The following UBQLN4 variants were observed in gnomAD, a reference collection of about 807,000 sequenced individuals.
UBQLN4 encodes ubiquilin 4, also known as ubiquilin-4.
A neutral mutation model predicts 60.4 loss-of-function variants in UBQLN4; 11 were observed. That is an observed-to-expected ratio of 0.18 (90% confidence interval 0.11 to 0.30). The LOEUF is 0.30. UBQLN4 is among the 10% of genes least tolerant of loss of function. The pLI is 1.00. For missense variants in UBQLN4, 417 were observed against 795.5 expected, an observed-to-expected ratio of 0.52 and a Z score of 5.72; for synonymous variants, 258 against 313.1, an observed-to-expected ratio of 0.82 and a Z score of 1.86.
downstream of UBQLN4, among the ~76,000 whole-genome samples, chr1:156,032,770 T>C (rs1201230121): frequency 6.6e-6 from 1 of 152,164 alleles, no homozygotes; most frequent in African/African-American, 2.4e-5. Flanking sequence ...GTCCCATATG[T>C]AACAGGATGG....
At position 156,050,667 on chromosome 1, in the gene UBQLN4, T is replaced by G; in HGVS notation, c.479-114A>C. The G allele has an allele frequency of 1.4e-6, 2 of 1,407,584 alleles. No homozygotes were observed. Among genetic ancestry groups the G allele is most frequent in the Non-Finnish European group, 1.9e-6 (2 of 1,062,634 alleles). The allele number at this position is 1,407,584 out of a possible 1,614,324, so 87.2% of individuals were successfully genotyped here. A position where few individuals can be genotyped will look rare whatever the true frequency, so the allele number is the denominator to read the frequency against. The stretch of plus-strand genomic sequence containing the variant: ...CCCAAATGCTTCTCACATGTCCCTC[T>G]TCCTGTCATTCCCACAGCCCGGCCC... On this transcript the variant is annotated intron_variant, in intron 3 of 10. Coordinates refer to ENST00000368309, the MANE Select transcript of UBQLN4 (RefSeq NM_020131.5). This position sits in a 1 kb window ranked among gnomAD's most constrained non-coding sequence, Gnocchi z 4.6.
At chr1:156,038,082 A>C (rs954370049) in intron 10 of UBQLN4, among the ~76,000 whole-genome samples, 1 of 152,158 alleles carries the variant, frequency 6.6e-6, no homozygotes, top group Non-Finnish European at 1.5e-5. Flanking sequence ...AATTAAAAAA[A>C]AATTTTTTTT....
At chr1:156,043,068 A>C (rs780836066) in intron 6 of UBQLN4, among the ~76,000 whole-genome samples, 155 bp from the exon 7 acceptor site, 1 of 152,194 alleles carries the variant, frequency 6.6e-6, no homozygotes, top group Non-Finnish European at 1.5e-5. Flanking sequence ...GCATGAGTCC[A>C]AGTCTCTCCC....
downstream of UBQLN4, among the ~76,000 whole-genome samples, chr1:156,034,823 T>A (rs1261660958): frequency 2.0e-4 from 7 of 35,890 alleles, no homozygotes; most frequent in African/African-American, 5.1e-4. Flanking sequence ...TCCCTTAACC[T>A]TCTATATATA....
rs1032441696 is a variant in UBQLN4 at position 156,053,745 on chromosome 1, C to T, written c.-44G>A. ...CCGCCCGCCAGCCCGCCCGGCTCCT[C>T]CTCCTCCCCGCCCGCCCGGCCGGCC... is the stretch of plus-strand genomic sequence containing the variant. On this transcript the variant is annotated 5_prime_UTR_variant, in exon 1 of 11. Transcript: ENST00000368309. 3.9e-5 allele frequency: 46 copies of T among 1,192,982 alleles called. No homozygotes were observed. The highest frequency in any genetic ancestry group is 4.6e-5 in the Non-Finnish European group (43 of 943,244). The allele number at this position is 1,192,982 out of a possible 1,614,324, so 73.9% of individuals were successfully genotyped here.
chr1:156,045,212 G>C (rs186227242), intron 5 of UBQLN4, among the ~76,000 whole-genome samples: 225 of 152,242 alleles, frequency 1.5e-3, no homozygotes, highest in African/African-American at 5.0e-3. Flanking sequence ...CCTGTTCATT[G>C]AAAGTGGGTC....
Position 156,048,376 on chromosome 1 carries a change from A to G in UBQLN4, c.900+125T>C. Reference sequence around the variant, plus strand: ...ATATGTACTGTTGAGAACTGCCTTCAAGCCAAGGCCCACCCCTCAGGGGAC... The same window carrying G: ...ATATGTACTGTTGAGAACTGCCTTCGAGCCAAGGCCCACCCCTCAGGGGAC... On this transcript the variant is annotated intron_variant, in intron 5 of 10. Transcript: ENST00000368309. The surrounding 1 kb of genome is among the most constrained non-coding windows in gnomAD (Gnocchi z 4.9). 1 of 1,201,934 alleles carries G rather than the reference A, an allele frequency of 8.3e-7. No individual in the cohort carries two copies. The highest frequency in any genetic ancestry group is 2.8e-5 in the Admixed American group (1 of 36,182). 74.5% of individuals were successfully genotyped at this position (1,201,934 alleles called of 1,614,324 possible).
intron 8 of UBQLN4, 56 bp downstream of exon 8, chr1:156,042,097 G>A: frequency 6.2e-7 from 1 of 1,609,292 alleles, no homozygotes; most frequent in African/African-American, 1.3e-5. Context: ...CCACCCATTG[G>A]GCTTCAGGGA....
Position 156,050,961 on chromosome 1 carries a change from C to A in UBQLN4, c.478+149G>T. Reference sequence around the variant, plus strand: ...CTCCTCAGACTAGTTTCTTCCCCAGCTTGACTCAAGTATCAATGTCTGGAA... The same window carrying A: ...CTCCTCAGACTAGTTTCTTCCCCAGATTGACTCAAGTATCAATGTCTGGAA... On this transcript the variant is annotated intron_variant, in intron 3 of 10. Coordinates refer to ENST00000368309, the MANE Select transcript of UBQLN4 (RefSeq NM_020131.5). This position sits in a 1 kb window ranked among gnomAD's most constrained non-coding sequence, Gnocchi z 4.6. 1 of 785,470 alleles carries A rather than the reference C, an allele frequency of 1.3e-6. No individual in the cohort carries two copies. Among genetic ancestry groups the A allele is most frequent in the South Asian group, 1.7e-5 (1 of 57,402 alleles). The allele number at this position is 785,470 out of a possible 1,614,324, so 48.7% of individuals were successfully genotyped here. A position where few individuals can be genotyped will look rare whatever the true frequency, so the allele number is the denominator to read the frequency against.
chr1:156,042,236 T>A lies in UBQLN4; in HGVS notation c.1267A>T (p.Met423Leu). ...LAQNPDFAAQ[M>L]MVNVPLFAGN... is the part of the protein sequence containing the mutation. ...GCGAAGAGCGGCACATTCACCATCATCTGCCAGGGTGAAGGTAGCAGGGGG... is the reference window on the plus strand; with the variant it reads ...GCGAAGAGCGGCACATTCACCATCAACTGCCAGGGTGAAGGTAGCAGGGGG... The change falls in exon 8 of 11, where the codon ATG becomes TTG. Residue 423 changes from methionine (M) to leucine (L), a missense_variant and splice_region_variant. Coordinates refer to ENST00000368309, the MANE Select transcript of UBQLN4 (RefSeq NM_020131.5). 6.3e-7 allele frequency: 1 copy of A among 1,593,970 alleles called. No homozygotes were observed. The highest frequency in any genetic ancestry group is 8.5e-7 in the Non-Finnish European group (1 of 1,171,560).
chr1:156,047,569 C>G (rs541515736), intron 5 of UBQLN4, among the ~76,000 whole-genome samples: 180 of 151,318 alleles, frequency 1.2e-3, no homozygotes, highest in African/African-American at 4.0e-3. Context: ...AACATACAAA[C>G]ATAGAATGTG....
At position 156,051,302 on chromosome 1, in the gene UBQLN4, C is replaced by T. The variant is rs868021254; in HGVS notation, c.286G>A (p.Ala96Thr). The T allele has an allele frequency of 4.5e-6, 7 of 1,556,770 alleles. No homozygotes were observed. The highest frequency in any genetic ancestry group is 5.2e-6 in the Non-Finnish European group (6 of 1,149,550). The change falls in exon 3 of 11, where the codon GCT (alanine) becomes ACT (threonine). Residue 96 changes from alanine (A) to threonine (T), a missense_variant. By Grantham distance (58) the Ala-to-Thr change is moderately conservative (BLOSUM62 0). Transcript: ENST00000368309. The part of the protein sequence containing the change: ...QKAQDPAAAT[A>T]SSPSTPDPAS... ...GGGTCAGGTGTGGAGGGGGAAGAAG[C>T]AGTGGCAGCAGCTGGATCTTGAGCC...
At chr1:156,042,495 C>G in intron 7 of UBQLN4, 3 of 1,310,718 alleles carry the variant, frequency 2.3e-6, no homozygotes, top group Non-Finnish European at 3.0e-6. Context: ...TCCAGGTATA[C>G]AGAACTTACT....
intron 10 of UBQLN4, among the ~76,000 whole-genome samples, chr1:156,038,695 T>A (rs1683468257): frequency 1.3e-5 from 2 of 152,048 alleles, no homozygotes; most frequent in Admixed American, 6.6e-5. Flanking sequence ...AGAAAAAAAT[T>A]TTTTTAGCAG....
At chr1:156,033,217 C>A (rs1323244278), downstream of UBQLN4, 1 of 985,330 alleles carries the variant, frequency 1.0e-6, no homozygotes, top group Non-Finnish European at 1.2e-6. Context: ...GAGACTGACT[C>A]AGCTGTGAGC....
In UBQLN4 at chr1:156,050,979, G is replaced by T; in HGVS notation, c.478+131C>A. The stretch of plus-strand genomic sequence containing the variant: ...TCCCCAGCTTGACTCAAGTATCAAT[G>T]TCTGGAACTCTGTCATGGGGTCCCC... On this transcript the variant is annotated intron_variant, in intron 3 of 10. Coordinates refer to ENST00000368309, the MANE Select transcript of UBQLN4 (RefSeq NM_020131.5). The surrounding 1 kb of genome is among the most constrained non-coding windows in gnomAD (Gnocchi z 4.6). The T allele has an allele frequency of 2.3e-6, 2 of 858,628 alleles. No homozygotes were observed. Among genetic ancestry groups the T allele is most frequent in the South Asian group, 1.7e-5 (1 of 60,156 alleles). 53.2% of individuals were successfully genotyped at this position (858,628 alleles called of 1,614,324 possible).
intron 9 of UBQLN4, 35 bp downstream of exon 9, chr1:156,041,837 A>T: frequency 6.4e-7 from 1 of 1,573,882 alleles, no homozygotes; most frequent in South Asian, 1.2e-5. Context: ...AGAAGTTGCT[A>T]GAACCTTGCT....
downstream of UBQLN4, among the ~76,000 whole-genome samples, chr1:156,034,837 A>C (rs1310042355): frequency 7.4e-5 from 3 of 40,356 alleles, 1 homozygote; most frequent in African/African-American, 2.5e-4. Context: ...ATATATATAT[A>C]TATATATATA....
chr1:156,042,913 C>G lies in UBQLN4; in HGVS notation c.1127G>C (p.Gly376Ala). 1 of 1,613,760 alleles carries G rather than the reference C, an allele frequency of 6.2e-7. No homozygotes were observed. Among genetic ancestry groups the G allele is most frequent in the Non-Finnish European group, 8.5e-7 (1 of 1,179,878 alleles). ...FGINAASLGS[G>A]MFNSPEMQAL... Reference sequence around the variant, plus strand: ...TTGCATTTCTGGGCTATTGAACATCCCTAGGACAAGGCGGAAAAAAAGAAA... The same window carrying G: ...TTGCATTTCTGGGCTATTGAACATCGCTAGGACAAGGCGGAAAAAAAGAAA... Residue 376 changes from glycine to alanine, a missense_variant and splice_region_variant, in exon 7 of 11, where the codon GGG becomes GCG. By Grantham distance (60) the Gly-to-Ala change is moderately conservative. Coordinates refer to ENST00000368309, the MANE Select transcript of UBQLN4 (RefSeq NM_020131.5).
Sources: allele counts gnomAD v4.1 joint callset (sites outside exome capture counted in the v4.1 genomes callset), GRCh38; gene constraint gnomAD v4.1.1; non-coding constraint Gnocchi (gnomAD v3.1); transcripts MANE v1.5; gene names NCBI Gene and HGNC (gene_info 2026-07-23, HGNC 2026-07-21).